TENM2: variants seen among roughly 807,000 people sequenced by gnomAD.
TENM2 encodes the protein teneurin-2.
Under a neutral mutation model 245.2 loss-of-function variants are expected in TENM2, and 52 were observed. The observed-to-expected ratio is 0.21, with a 90% CI of 0.17 to 0.27. The LOEUF is 0.27. Ranked by LOEUF, TENM2 falls within the 10% of genes least tolerant of loss-of-function variation. The pLI is 1.00. For synonymous variants in TENM2, 1,363 were observed against 1,438.9 expected (o/e 0.95, Z 1.19); for missense variants, 3,046 against 3,666.8 (o/e 0.83, Z 4.37).
At chr5:167,581,762 A>G (rs1195262491) in intron 2 of TENM2, among the ~76,000 whole-genome samples, 1 of 152,184 alleles carries the variant, frequency 6.6e-6, no homozygotes, top group African/African-American at 2.4e-5. Context: ...GACATTATTA[A>G]TTTCCCACAA....
intron 2 of TENM2, among the ~76,000 whole-genome samples, chr5:167,571,959 C>A (rs1280957406): frequency 1.3e-5 from 2 of 152,222 alleles, no homozygotes; most frequent in Non-Finnish European, 2.9e-5. Flanking sequence ...CCACTTCCCT[C>A]CCTGCTAGCC....
chr5:167,789,999 T>C (rs1764838257), intron 2 of TENM2, among the ~76,000 whole-genome samples: 1 of 152,240 alleles, frequency 6.6e-6, no homozygotes, highest in Non-Finnish European at 1.5e-5. Flanking sequence ...AGTTTACAGA[T>C]AAAGAAATGA....
chr5:168,231,731 C>T (rs1393733369), intron 25 of TENM2, among the ~76,000 whole-genome samples: 3 of 149,286 alleles, frequency 2.0e-5, no homozygotes, highest in Admixed American at 6.6e-5. Context: ...ATAGCAAAAC[C>T]GCAATATAGC....
At chr5:167,931,660 T>C (rs868264308) in intron 3 of TENM2, among the ~76,000 whole-genome samples, 2 of 152,166 alleles carry the variant, frequency 1.3e-5, no homozygotes, top group African/African-American at 4.8e-5. Flanking sequence ...TAATTGATTT[T>C]ATAGCGAAAC....
At chr5:167,771,616 T>C (rs1357796570) in intron 2 of TENM2, among the ~76,000 whole-genome samples, 1 of 152,192 alleles carries the variant, frequency 6.6e-6, no homozygotes, top group Non-Finnish European at 1.5e-5. Context: ...GCAGTTAACA[T>C]CTCAATTCAT....
intron 2 of TENM2, among the ~76,000 whole-genome samples, chr5:167,734,746 G>A (rs1040623416): frequency 8.5e-5 from 13 of 152,070 alleles, no homozygotes; most frequent in Non-Finnish European, 1.9e-4. Context: ...ATTAAACACT[G>A]AGCTTGACCT....
chr5:168,109,998 C>T (rs1462884547), intron 9 of TENM2, among the ~76,000 whole-genome samples: 5 of 151,848 alleles, frequency 3.3e-5, no homozygotes, highest in African/African-American at 1.2e-4. Flanking sequence ...AGTCCGTCAG[C>T]CCTCCCCCAA....
chr5:167,763,991 A>AGT (rs1419110392), intron 2 of TENM2, among the ~76,000 whole-genome samples: 3 of 152,082 alleles, frequency 2.0e-5, no homozygotes, highest in Non-Finnish European at 4.4e-5. Context: ...AATCAATACA[A>AGT]GTCAGAATTT....
chr5:167,312,444 G>A (rs946860614), intron 1 of TENM2, among the ~76,000 whole-genome samples: 1 of 152,098 alleles, frequency 6.6e-6, no homozygotes, highest in African/African-American at 2.4e-5. Context: ...TTGCATCATA[G>A]TCCAAAGCAG....
Position 167,425,083 on chromosome 5 carries a change from G to C in TENM2, c.502+49610G>C, listed in dbSNP as rs1763733153. On this transcript the variant is annotated intron_variant, in intron 2 of 28. Transcript: ENST00000518659. Reference sequence around the variant, plus strand: ...AGAATATAGATGGCTTTATATGTTTGGTTATAGTACCTGCTTTGCAGTTTG... The same window carrying C: ...AGAATATAGATGGCTTTATATGTTTCGTTATAGTACCTGCTTTGCAGTTTG... Among the ~76,000 whole-genome samples the C allele has an allele frequency of 2.6e-5, 4 of 152,128 alleles. No individual in the cohort carries two copies. In the South Asian group the frequency reaches 8.3e-4, roughly 31 times the overall value.
chr5:167,659,194 G>A (rs1755045212), intron 2 of TENM2, among the ~76,000 whole-genome samples: 1 of 152,190 alleles, frequency 6.6e-6, no homozygotes, highest in Non-Finnish European at 1.5e-5. Context: ...GCATTTGTTG[G>A]TGTTCATTCT....
chr5:167,588,517 A>G (rs986539279), intron 2 of TENM2, among the ~76,000 whole-genome samples: 1 of 152,234 alleles, frequency 6.6e-6, no homozygotes, highest in Admixed American at 6.5e-5. Context: ...ATGAATAAGC[A>G]TTGTTAAGGG....
At chr5:167,571,866 C>T (rs1357844625) in intron 2 of TENM2, among the ~76,000 whole-genome samples, 3 of 152,134 alleles carry the variant, frequency 2.0e-5, no homozygotes, top group Non-Finnish European at 4.4e-5. Context: ...ACTGTAGAAC[C>T]TGTATCAATA....
At chr5:168,190,481 G>A (rs770648894) in exon 14 of TENM2, 15 of 1,613,840 alleles carry the variant, frequency 9.3e-6, no homozygotes, top group Non-Finnish European at 1.2e-5. Flanking sequence ...TTCTATGACC[G>A]TATCAAGCTC....
the TENM2 span, among the ~76,000 whole-genome samples, chr5:167,185,599 A>G: frequency 3.9e-5 from 6 of 152,138 alleles, no homozygotes; most frequent in Non-Finnish European, 5.9e-5. Context: ...ATAGATTTCA[A>G]GTTCTTCCAT....
Position 167,284,830 on chromosome 5 carries a change from C to G in TENM2, c.-8C>G. 6.5e-7 allele frequency: 1 copy of G among 1,547,204 alleles called. No homozygotes were observed. The highest frequency in any genetic ancestry group is 8.7e-7 in the Non-Finnish European group (1 of 1,143,740). On this transcript the variant is annotated 5_prime_UTR_variant, in exon 1 of 29. It adds an upstream start codon to the 5' untranslated region. Transcript: ENST00000518659. ...TGAAAACATCAGCATTCTGCCATAT[C>G]TGGAATAATGGATGTAAAGGACCGG...
intron 2 of TENM2, among the ~76,000 whole-genome samples, chr5:167,864,843 T>A (rs985370815): frequency 2.0e-5 from 3 of 152,208 alleles, no homozygotes; most frequent in African/African-American, 7.2e-5. Flanking sequence ...AAATAATACC[T>A]GGTACCTCAT....
At chr5:167,739,473 G>A (rs1278533044) in intron 2 of TENM2, among the ~76,000 whole-genome samples, 3 of 152,148 alleles carry the variant, frequency 2.0e-5, no homozygotes, top group Non-Finnish European at 4.4e-5. Flanking sequence ...CTGTAAGCCA[G>A]ACAGTCAGGG....
chr5:168,195,008 G>T (rs1761286562), intron 14 of TENM2, among the ~76,000 whole-genome samples, 168 bp from the exon 17 acceptor site: 1 of 152,166 alleles, frequency 6.6e-6, no homozygotes, highest in Admixed American at 6.5e-5. Flanking sequence ...GCTGCCCATG[G>T]ATTTCACCCC....
Sources: allele counts gnomAD v4.1 joint callset (sites outside exome capture counted in the v4.1 genomes callset), GRCh38; gene constraint gnomAD v4.1.1; transcripts MANE v1.5; gene names NCBI Gene and HGNC (gene_info 2026-07-23, HGNC 2026-07-21).